IL1RAPL1: variants seen among roughly 807,000 people sequenced by gnomAD.
IL1RAPL1 encodes the protein interleukin-1 receptor accessory protein-like 1.
IL1RAPL1 carries 3 observed loss-of-function variants against 48.4 expected under a neutral mutation model. The ratio of observed to expected loss-of-function variants is 0.06; its 90% CI spans 0.03 to 0.16. IL1RAPL1 has a LOEUF of 0.16. Among genes scored for constraint, IL1RAPL1 ranks in the 10% least tolerant of loss-of-function variants. The pLI is 1.00. For synonymous variants in IL1RAPL1, 185 were observed against 187.7 expected (o/e 0.99, Z 0.12); for missense variants, 349 against 530.6 (o/e 0.66, Z 3.36).
At chrX:29,767,641 C>A (rs1928949210) in intron 6 of IL1RAPL1, among the ~76,000 whole-genome samples, 1 of 111,593 alleles carries the variant, frequency 9.0e-6, no homozygotes, top group Admixed American at 9.6e-5. Flanking sequence ...AAGGCAATAC[C>A]ACTTGTCTAA....
At chrX:29,329,979 C>G (rs752684736) in intron 3 of IL1RAPL1, among the ~76,000 whole-genome samples, 28 of 110,838 alleles carry the variant, frequency 2.5e-4, no homozygotes, top group African/African-American at 9.2e-4. Context: ...ATTACTGTTA[C>G]AGGGCTGCTG....
At chrX:29,909,803 T>C (rs1156705380) in intron 6 of IL1RAPL1, among the ~76,000 whole-genome samples, 1 of 112,192 alleles carries the variant, frequency 8.9e-6, no homozygotes, top group Non-Finnish European at 1.9e-5. Context: ...GGAACGCTTA[T>C]ATACTGCTGG....
intron 5 of IL1RAPL1, among the ~76,000 whole-genome samples, chrX:29,595,838 A>C (rs1923529491): frequency 9.0e-6 from 1 of 111,318 alleles, no homozygotes; most frequent in Non-Finnish European, 1.9e-5. Context: ...GGTTTTTTTC[A>C]ACGTTATCTT....
intron 5 of IL1RAPL1, among the ~76,000 whole-genome samples, chrX:29,463,668 C>T (rs1418548077): frequency 1.8e-5 from 2 of 111,427 alleles, no homozygotes; most frequent in Admixed American, 9.5e-5. Context: ...AAATCACGAC[C>T]CCCACACTCT....
intron 5 of IL1RAPL1, among the ~76,000 whole-genome samples, chrX:29,629,281 C>G (rs185573593): frequency 9.0e-6 from 1 of 111,209 alleles, no homozygotes; most frequent in African/African-American, 3.3e-5. Context: ...AAAAAATCTA[C>G]AGTATCAACA....
Position 28,907,188 on chromosome X carries a change from G to A in IL1RAPL1, c.82+117763G>A, listed in dbSNP as rs184459968. ...AGTCTTTCTTTACATGAATTCATAT[G>A]ATTATATGATTTTTCTTTAGTCTCT... On this transcript the variant is annotated intron_variant, in intron 2 of 10. Transcript: ENST00000378993. Among the ~76,000 whole-genome samples the A allele has an allele frequency of 2.8e-3, 308 of 111,863 alleles. 1 individual carries two copies. The highest frequency in any genetic ancestry group is 4.9e-3 in the Non-Finnish European group (261 of 53,154).
intron 6 of IL1RAPL1, among the ~76,000 whole-genome samples, chrX:29,720,618 G>A (rs1927614021): frequency 9.0e-6 from 1 of 110,827 alleles, no homozygotes; most frequent in Non-Finnish European, 1.9e-5. Context: ...TGGGGGTCTA[G>A]GGGAGGCATA....
intron 1 of IL1RAPL1, among the ~76,000 whole-genome samples, chrX:28,649,775 A>T (rs1169458543): frequency 8.9e-6 from 1 of 112,163 alleles, no homozygotes; most frequent in African/African-American, 3.2e-5. Context: ...AGAAGCACAG[A>T]TGAAGGCAGT....
intron 6 of IL1RAPL1, among the ~76,000 whole-genome samples, chrX:29,723,052 A>T (rs1927676695): frequency 8.9e-6 from 1 of 112,075 alleles, no homozygotes; most frequent in South Asian, 3.7e-4. Context: ...CATATAAGAA[A>T]GCTATAGCTT....
At chrX:29,517,923 A>G (rs1250131284) in intron 5 of IL1RAPL1, among the ~76,000 whole-genome samples, 1 of 111,921 alleles carries the variant, frequency 8.9e-6, no homozygotes, top group African/African-American at 3.2e-5. Context: ...TATATGCTTA[A>G]TTGTTAAAAT....
chrX:29,467,532 G>A (rs996446907), intron 5 of IL1RAPL1, among the ~76,000 whole-genome samples: 4 of 112,356 alleles, frequency 3.6e-5, no homozygotes, highest in African/African-American at 9.8e-5. Context: ...ACAGGTGAGC[G>A]GATGTGGGAG....
chrX:28,731,157 A>G (rs1032545896), intron 1 of IL1RAPL1, among the ~76,000 whole-genome samples: 3 of 111,173 alleles, frequency 2.7e-5, no homozygotes, highest in Non-Finnish European at 5.7e-5. Flanking sequence ...TGTCAAATAT[A>G]CTCTTTTAAA....
chrX:29,115,201 GT>G (rs886160599), intron 2 of IL1RAPL1, among the ~76,000 whole-genome samples: 12 of 111,843 alleles, frequency 1.1e-4, no homozygotes, highest in Non-Finnish European at 1.9e-4. Context: ...TTCTGAGAAT[GT>G]TTTATTGCAC....
At chrX:29,337,914 A>G (rs917394539) in intron 3 of IL1RAPL1, among the ~76,000 whole-genome samples, 2 of 111,375 alleles carry the variant, frequency 1.8e-5, no homozygotes, top group African/African-American at 6.5e-5. Flanking sequence ...ACCTCAAGTG[A>G]TCTGCCCGCC....
chrX:28,841,440 A>G (rs1921369169), intron 2 of IL1RAPL1, among the ~76,000 whole-genome samples: 1 of 111,550 alleles, frequency 9.0e-6, no homozygotes, highest in Non-Finnish European at 1.9e-5. Context: ...AGTTAGTAGA[A>G]GAAAAACAAG....
intron 2 of IL1RAPL1, among the ~76,000 whole-genome samples, chrX:28,819,618 G>C (rs1043945540): frequency 1.8e-5 from 2 of 109,985 alleles, no homozygotes; most frequent in African/African-American, 6.6e-5. Flanking sequence ...ATTTTTAGTT[G>C]TAAATGCTTA....
chrX:28,677,695 C>T lies in IL1RAPL1; in HGVS notation c.-25+89648C>T, dbSNP rs182343939. 4.5e-5 allele frequency among the ~76,000 whole-genome samples: 5 copies of T among 110,380 alleles called. No individual in the cohort carries two copies. The Admixed American group carries it at 4.8e-4, about 11-fold the overall frequency. On this transcript the variant is annotated intron_variant, in intron 1 of 10. Transcript: ENST00000378993. ...CTCTGCCTCCTGGATTCAAGTGATT[C>T]TCCTGCCTCAGCCTCCTGAATAGCG...
chrX:29,137,033 AG>A (rs1267036334), intron 2 of IL1RAPL1, among the ~76,000 whole-genome samples: 1 of 111,199 alleles, frequency 9.0e-6, no homozygotes, highest in Non-Finnish European at 1.9e-5. Flanking sequence ...GCTGGTGATT[AG>A]TTGAATCTAA....
intron 5 of IL1RAPL1, among the ~76,000 whole-genome samples, chrX:29,422,540 A>G (rs1934303346): frequency 8.9e-6 from 1 of 112,106 alleles, no homozygotes; most frequent in Admixed American, 9.5e-5. Context: ...ATATCTCTTC[A>G]TAGTGTTAGG....
Sources: gnomAD v4.1 joint callset for allele counts (sites outside exome capture counted in the v4.1 genomes callset) on GRCh38, gnomAD v4.1.1 for gene constraint, MANE v1.5 for transcripts, NCBI Gene and HGNC (gene_info 2026-07-23, HGNC 2026-07-21) for gene names.